The following LRRC8C variants were observed in gnomAD, a reference collection of about 807,000 sequenced individuals.
The protein encoded by LRRC8C is leucine rich repeat containing 8 VRAC subunit C, also known as volume-regulated anion channel subunit LRRC8C.
A neutral mutation model predicts 55.3 loss-of-function variants in LRRC8C; 20 were observed. That is an observed-to-expected ratio of 0.36 (90% CI 0.25 to 0.53). LRRC8C has a LOEUF of 0.53. Among genes scored for constraint, LRRC8C ranks in the 20% least tolerant of loss-of-function variants. The pLI is 0.92. For synonymous variants in LRRC8C, 376 were observed against 360.7 expected (o/e 1.04, Z -0.48); for missense variants, 659 against 951.4 (o/e 0.69, Z 4.04).
intron 1 of LRRC8C, among the ~76,000 whole-genome samples, chr1:89,652,895 C>G (rs1364005475): frequency 6.6e-6 from 1 of 152,058 alleles, no homozygotes; most frequent in African/African-American, 2.4e-5. Flanking sequence ...TGGGGAGACA[C>G]AGATATCTAT....
Position 89,659,056 on chromosome 1 carries a change from T to G in LRRC8C, c.-5+25734T>G, listed in dbSNP as rs10801765. 4.4e-3 allele frequency among the ~76,000 whole-genome samples: 141 copies of G among 31,960 alleles called. 4 individuals are homozygous for G. Among genetic ancestry groups the G allele is most frequent in the Admixed American group, 8.5e-3 (18 of 2,126 alleles). The allele number at this position is 31,960 out of a possible 152,430, so 21.0% of individuals were successfully genotyped here. Reference sequence around the variant, plus strand: ...GGTTGTGTCTTCTCCAGGTTTTTTTTTTTTTTGTGTGTGTGTGTGTGTGTG... The same window carrying G: ...GGTTGTGTCTTCTCCAGGTTTTTTTGTTTTTTGTGTGTGTGTGTGTGTGTG... On this transcript the variant is annotated intron_variant, in intron 1 of 2. Transcript: ENST00000370454.
intron 1 of LRRC8C, among the ~76,000 whole-genome samples, chr1:89,662,792 G>A (rs948956407): frequency 2.6e-5 from 4 of 151,970 alleles, no homozygotes; most frequent in African/African-American, 7.3e-5. Flanking sequence ...TTCAGCCCCC[G>A]CCATGGGGTA....
At chr1:89,643,148 A>G (rs1019447923) in intron 1 of LRRC8C, among the ~76,000 whole-genome samples, 4 of 152,132 alleles carry the variant, frequency 2.6e-5, no homozygotes, top group African/African-American at 4.8e-5. Flanking sequence ...CCAGAGTGCA[A>G]TGGCACAATC....
the LRRC8C span, among the ~76,000 whole-genome samples, chr1:89,616,140 G>C: frequency 6.6e-6 from 1 of 152,116 alleles, no homozygotes; most frequent in Non-Finnish European, 1.5e-5. Flanking sequence ...AGGGGGCTGG[G>C]CACTATATGC....
intron 1 of LRRC8C, among the ~76,000 whole-genome samples, chr1:89,675,171 TAA>T (rs953255096): frequency 3.3e-5 from 5 of 152,064 alleles, no homozygotes; most frequent in African/African-American, 9.7e-5. Context: ...ATGAAATCAT[TAA>T]GAGTTCAACT....
chr1:89,673,402 A>G (rs12751215), intron 1 of LRRC8C, among the ~76,000 whole-genome samples: 34,346 of 152,130 alleles, frequency 0.23, 4,156 homozygotes, highest in East Asian at 0.44. Context: ...AGGTCTAGAT[A>G]TCTTTGAGAT....
the LRRC8C span, chr1:89,626,166 G>A: frequency 6.6e-6 from 1 of 152,176 alleles, no homozygotes; most frequent in East Asian, 1.9e-4. Context: ...TAGTAACGCA[G>A]TTATAGCAGT....
chr1:89,667,237 A>T (rs767895699), intron 1 of LRRC8C, among the ~76,000 whole-genome samples: 5 of 152,032 alleles, frequency 3.3e-5, no homozygotes, highest in Non-Finnish European at 7.4e-5. Flanking sequence ...CCAAACTTCT[A>T]TCTCTATCCC....
chr1:89,704,038 T>C (rs1262074336), intron 2 of LRRC8C, among the ~76,000 whole-genome samples: 1 of 152,138 alleles, frequency 6.6e-6, no homozygotes, highest in African/African-American at 2.4e-5. Context: ...ATGTTAATAT[T>C]AGATAGCATT....
At chr1:89,631,043 C>T (rs1409507710), upstream of LRRC8C, among the ~76,000 whole-genome samples, 2 of 152,202 alleles carry the variant, frequency 1.3e-5, no homozygotes, top group African/African-American at 4.8e-5. Flanking sequence ...ACTCAACTTG[C>T]AGGGGATTCA....
At position 89,712,729 on chromosome 1, in the gene LRRC8C, C is replaced by T; in HGVS notation, c.159C>T (p.Ile53=). The T allele has an allele frequency of 6.2e-7, 1 of 1,613,732 alleles. No individual in the cohort carries two copies. ...CTLQVMQDKI[I]CLPKRVQPAQ... ...TTCAGGTCATGCAAGACAAGATAAT[C>T]TGCCTTCCGAAAAGAGTGCAGCCTG... is the stretch of plus-strand genomic sequence containing the variant. The change falls in exon 3 of 3, where the codon ATC becomes ATT. Residue 53 remains isoleucine (I), a synonymous_variant. Coordinates refer to ENST00000370454, the MANE Select transcript of LRRC8C (RefSeq NM_032270.5).
At chr1:89,687,533 A>G (rs952472240) in intron 2 of LRRC8C, among the ~76,000 whole-genome samples, 14 of 152,240 alleles carry the variant, frequency 9.2e-5, no homozygotes, top group African/African-American at 3.1e-4. Context: ...TCCAGGGAGA[A>G]TGTGATGAGG....
At chr1:89,628,591 T>A (rs1477739814), upstream of LRRC8C, among the ~76,000 whole-genome samples, 1 of 152,136 alleles carries the variant, frequency 6.6e-6, no homozygotes, top group Non-Finnish European at 1.5e-5. Flanking sequence ...TATGGAAAGC[T>A]GTGTAGAAAT....
intron 1 of LRRC8C, among the ~76,000 whole-genome samples, chr1:89,664,512 G>A (rs531292800): frequency 1.3e-5 from 2 of 152,182 alleles, no homozygotes; most frequent in Admixed American, 6.5e-5. Context: ...TTTGTGTTTT[G>A]GTACCAGTAC....
rs1187064557 is a variant in LRRC8C at position 89,643,034 on chromosome 1, A to T, written c.-5+9712A>T. ...CTGTGTCTCAAAAAAAAAAAAAAAA[A>T]AAAATAGGTTTATTCAATTATATAC... On this transcript the variant is annotated intron_variant, in intron 1 of 2. Coordinates refer to ENST00000370454, the MANE Select transcript of LRRC8C (RefSeq NM_032270.5). Among the ~76,000 whole-genome samples the T allele has an allele frequency of 5.3e-5, 8 of 151,436 alleles. No individual in the cohort carries two copies. The East Asian group carries it at 1.4e-3, about 26-fold the overall frequency.
At chr1:89,631,426 AAGAT>A (rs1570680717), upstream of LRRC8C, among the ~76,000 whole-genome samples, 4 of 152,230 alleles carry the variant, frequency 2.6e-5, no homozygotes, top group South Asian at 8.3e-4. Flanking sequence ...CAACGGTACA[AAGAT>A]AGAAGTATAT....
chr1:89,713,485 C>T lies in LRRC8C; in HGVS notation c.915C>T (p.Asn305=). The T allele has an allele frequency of 6.2e-7, 1 of 1,614,130 alleles. No homozygotes were observed. Among genetic ancestry groups the T allele is most frequent in the East Asian group, 2.2e-5 (1 of 44,882 alleles). The change falls in exon 3 of 3, where the codon AAC becomes AAT. Residue 305 remains asparagine, a synonymous_variant. Transcript: ENST00000370454. The surrounding 1 kb of genome is among the most constrained non-coding windows in gnomAD (Gnocchi z 5.2). ...TTCAGGACATGACTGGATATAAAAA[C>T]TTTTCTTGCAATCATACCATGGCAC... The part of the protein sequence containing the change: ...VDIQDMTGYK[N]FSCNHTMAHL...
intron 1 of LRRC8C, among the ~76,000 whole-genome samples, chr1:89,685,407 G>A (rs188436612): frequency 4.5e-4 from 68 of 152,236 alleles, no homozygotes; most frequent in South Asian, 2.3e-3. Flanking sequence ...GAGCCACCGC[G>A]CCCGGCCATT....
intron 1 of LRRC8C, among the ~76,000 whole-genome samples, chr1:89,661,023 T>C (rs138062465): frequency 4.4e-4 from 67 of 152,328 alleles, no homozygotes; most frequent in Non-Finnish European, 7.8e-4. Context: ...TCAATTTACA[T>C]AGTGTTTCTT....
Sources: gnomAD v4.1 joint callset for allele counts (sites outside exome capture counted in the v4.1 genomes callset) on GRCh38, gnomAD v4.1.1 for gene constraint, Gnocchi (gnomAD v3.1) non-coding constraint, MANE v1.5 for transcripts, NCBI Gene and HGNC (gene_info 2026-07-23, HGNC 2026-07-21) for gene names.